The following HERC1 variants were observed in gnomAD, a reference collection of about 807,000 sequenced individuals.
HERC1 encodes the protein probable E3 ubiquitin-protein ligase HERC1.
HERC1 carries 160 observed loss-of-function variants against 554.3 expected under a neutral mutation model. The ratio of observed to expected loss-of-function variants is 0.29; its 90% confidence interval spans 0.25 to 0.33. The LOEUF (loss-of-function observed/expected upper bound fraction) is 0.33, where lower values mean the gene tolerates loss of function less well. HERC1 is among the 10% of genes least tolerant of loss of function. The pLI is 1.00. For missense variants in HERC1, 4,919 were observed against 5,918.5 expected (o/e 0.83, Z 5.54); for synonymous variants, 2,175 against 2,131.7 (o/e 1.02, Z -0.56).
intron 38 of HERC1, 47 bp from the exon 39 acceptor site, chr15:63,672,741 T>A (rs1250590937): frequency 3.7e-6 from 5 of 1,353,570 alleles, no homozygotes; most frequent in African/African-American, 2.9e-5. Flanking sequence ...ATTTGTTTTT[T>A]CAAAAATAAC....
At chr15:63,797,864 CAA>C (rs1490842464) in intron 1 of HERC1, among the ~76,000 whole-genome samples, 1 of 152,070 alleles carries the variant, frequency 6.6e-6, no homozygotes, top group Non-Finnish European at 1.5e-5. Flanking sequence ...AAACAATTTT[CAA>C]AAAATTAAAC....
At chr15:63,674,041 G>C (rs2071072399) in intron 38 of HERC1, among the ~76,000 whole-genome samples, 1 of 152,108 alleles carries the variant, frequency 6.6e-6, no homozygotes, top group Non-Finnish European at 1.5e-5. Flanking sequence ...TATGTATTTT[G>C]AGTCAGATCA....
chr15:63,720,128 G>C (rs1318402317), intron 19 of HERC1, among the ~76,000 whole-genome samples: 1 of 48 alleles, frequency 0.021, no homozygotes, highest in South Asian at 0.5. Flanking sequence ...TAAGAGACAG[G>C]GTCTCACTCC....
At chr15:63,748,700 T>C (rs2075142425) in intron 10 of HERC1, among the ~76,000 whole-genome samples, 1 of 152,204 alleles carries the variant, frequency 6.6e-6, no homozygotes. Flanking sequence ...TTGATAAATA[T>C]TTTTAATTGG....
intron 3 of HERC1, among the ~76,000 whole-genome samples, chr15:63,763,777 T>C (rs1487111365): frequency 1.3e-5 from 2 of 152,128 alleles, no homozygotes; most frequent in Non-Finnish European, 2.9e-5. Context: ...ATTAGAAGGG[T>C]ATTTATTTTA....
At chr15:63,706,743 C>A (rs749659030) in intron 25 of HERC1, 37 bp downstream of exon 25, 24 of 1,207,374 alleles carry the variant, frequency 2.0e-5, no homozygotes, top group Non-Finnish European at 2.8e-5. Context: ...CAGGGTCTCA[C>A]TAAGATATTT....
In HERC1 at chr15:63,775,495, G is replaced by C; in HGVS notation, c.129C>G (p.Ser43Arg). The change falls in exon 2 of 78, where the codon AGC becomes AGG. Residue 43 changes from serine (S) to arginine (R), a missense_variant. Physicochemically the swap from Ser to Arg is moderately radical, Grantham distance 110 (BLOSUM62 -1). Transcript: ENST00000443617. This position sits in a 1 kb window ranked among gnomAD's most constrained non-coding sequence, Gnocchi z 4.0. ...GGGGCAAAGGTACTACTTCCTTATTGCTAACCAGTTTAGAATACAGAACAG... is the reference window on the plus strand; with the variant it reads ...GGGGCAAAGGTACTACTTCCTTATTCCTAACCAGTTTAGAATACAGAACAG... ...GVAVLYSKLV[S>R]NKEVVPLPQQ... 1 of 1,613,940 alleles carries C rather than the reference G, an allele frequency of 6.2e-7. No homozygotes were observed. The highest frequency in any genetic ancestry group is 8.5e-7 in the Non-Finnish European group (1 of 1,179,846).
chr15:63,746,697 C>A (rs768553809), intron 12 of HERC1, among the ~76,000 whole-genome samples: 3 of 152,050 alleles, frequency 2.0e-5, no homozygotes, highest in Non-Finnish European at 4.4e-5. Context: ...ACAAGAAAAA[C>A]CAAATCTGGT....
intron 1 of HERC1, among the ~76,000 whole-genome samples, chr15:63,825,310 A>T (rs1359606842): frequency 6.6e-6 from 1 of 152,148 alleles, no homozygotes; most frequent in Admixed American, 6.5e-5. Flanking sequence ...AAAAATAAAT[A>T]AAGTTAGCAA....
chr15:63,728,942 A>T (rs960487097), intron 16 of HERC1, among the ~76,000 whole-genome samples: 11 of 141,716 alleles, frequency 7.8e-5, no homozygotes, highest in African/African-American at 1.8e-4. Flanking sequence ...CAGGTTTTAA[A>T]AAAAAAAAAA....
intron 12 of HERC1, among the ~76,000 whole-genome samples, chr15:63,743,168 C>T (rs1198557087): frequency 2.0e-5 from 3 of 151,530 alleles, no homozygotes; most frequent in African/African-American, 7.3e-5. Context: ...CCCTTTGAGA[C>T]TATTTTCTAG....
Position 63,620,059 on chromosome 15 carries a change from T to G in HERC1, c.13688+2756A>C, listed in dbSNP as rs527718491. On this transcript the variant is annotated intron_variant, in intron 74 of 77. Coordinates refer to ENST00000443617, the MANE Select transcript of HERC1 (RefSeq NM_003922.4). ...AGCTTTTGAATGTGTTTGCTCTTGC[T>G]TCTCTAGTTCTTTTTATTGTGATGT... Among the ~76,000 whole-genome samples the G allele has an allele frequency of 1.1e-4, 16 of 152,368 alleles. 1 individual carries two copies. The highest frequency in any genetic ancestry group is 2.2e-4 in the Non-Finnish European group (15 of 68,034).
chr15:63,776,403 C>T (rs965607538), intron 1 of HERC1, among the ~76,000 whole-genome samples: 2 of 152,178 alleles, frequency 1.3e-5, no homozygotes, highest in African/African-American at 4.8e-5. Flanking sequence ...AACTTTGGGA[C>T]TCATAATTGT....
intron 1 of HERC1, among the ~76,000 whole-genome samples, chr15:63,804,058 G>T (rs2077066467): frequency 6.6e-6 from 1 of 152,120 alleles, no homozygotes; most frequent in Non-Finnish European, 1.5e-5. Context: ...TCAACAAAAG[G>T]TGCTGGACCA....
At chr15:63,733,179 C>G (rs185960730) in intron 13 of HERC1, 34 bp from the exon 14 acceptor site, 4 of 1,363,626 alleles carry the variant, frequency 2.9e-6, no homozygotes, top group South Asian at 1.2e-5. Context: ...AAGTAACTAG[C>G]GTAATATGCA....
chr15:63,708,638 T>A (rs1314821963), intron 24 of HERC1, among the ~76,000 whole-genome samples: 1 of 152,176 alleles, frequency 6.6e-6, no homozygotes, highest in Non-Finnish European at 1.5e-5. Flanking sequence ...CGTCATATAA[T>A]ACATTTTATG....
At position 63,718,543 on chromosome 15, in the gene HERC1, A is replaced by C. The variant is rs78835439; in HGVS notation, c.3978+31T>G. 9,431 of 1,524,504 alleles carry C rather than the reference A, an allele frequency of 6.2e-3. 477 individuals carry two copies. The African/African-American group carries it at 0.11, about 18-fold the overall frequency. The allele number at this position is 1,524,504 out of a possible 1,614,324, so 94.4% of individuals were successfully genotyped here. On this transcript the variant is annotated intron_variant, in intron 21 of 77. Transcript: ENST00000443617. The surrounding 1 kb of genome is among the most constrained non-coding windows in gnomAD (Gnocchi z 4.2). ...AGCTAGCTCTCACAGCTTGCAGAAAAACATAGAAATTAATTGATTTCAAAC... is the reference window on the plus strand; with the variant it reads ...AGCTAGCTCTCACAGCTTGCAGAAACACATAGAAATTAATTGATTTCAAAC...
Position 63,664,567 on chromosome 15 carries a change from A to G in HERC1, c.8583T>C (p.Asn2861=), listed in dbSNP as rs2070519264. 3 of 1,613,750 alleles carry G rather than the reference A, an allele frequency of 1.9e-6. No homozygotes were observed. Among genetic ancestry groups the G allele is most frequent in the Non-Finnish European group, 2.5e-6 (3 of 1,179,710 alleles). Residue 2861 remains asparagine (N), a synonymous_variant, in exon 43 of 78, where the codon AAT becomes AAC. Coordinates refer to ENST00000443617, the MANE Select transcript of HERC1 (RefSeq NM_003922.4). ...CTGATGGTCCACTTCCAGAAGCTGCATTCTCTGTATGATCCAAATTATCAG... is the reference window on the plus strand; with the variant it reads ...CTGATGGTCCACTTCCAGAAGCTGCGTTCTCTGTATGATCCAAATTATCAG... ...ESPDNLDHTE[N]AASGSGPSAR...
intron 44 of HERC1, among the ~76,000 whole-genome samples, chr15:63,662,709 T>C (rs1159085148): frequency 6.6e-6 from 1 of 152,220 alleles, no homozygotes; most frequent in East Asian, 1.9e-4. Flanking sequence ...TTGTAATTTA[T>C]CTTTGACATC....
Sources: allele counts gnomAD v4.1 joint callset (sites outside exome capture counted in the v4.1 genomes callset), GRCh38; gene constraint gnomAD v4.1.1; non-coding constraint Gnocchi (gnomAD v3.1); transcripts MANE v1.5; gene names NCBI Gene and HGNC (gene_info 2026-07-23, HGNC 2026-07-21).